The following RPS6KA3 variants were observed in gnomAD, a reference collection of about 807,000 sequenced individuals.
RPS6KA3 encodes the protein ribosomal protein S6 kinase alpha-3.
A neutral mutation model predicts 67.2 loss-of-function variants in RPS6KA3; 4 were observed. The observed-to-expected ratio is 0.06, with a 90% confidence interval of 0.03 to 0.14. The LOEUF is 0.14. Among genes scored for constraint, RPS6KA3 ranks in the 10% least tolerant of loss-of-function variants. RPS6KA3 has a pLI of 1.00. For missense variants in RPS6KA3, 204 were observed against 559.0 expected, an observed-to-expected ratio of 0.36 and a Z score of 6.40; for synonymous variants, 182 against 183.7, an observed-to-expected ratio of 0.99 and a Z score of 0.07.
intron 10 of RPS6KA3, among the ~76,000 whole-genome samples, chrX:20,180,369 G>C (rs899009841): frequency 9.0e-6 from 1 of 110,775 alleles, no homozygotes; most frequent in Non-Finnish European, 1.9e-5. Flanking sequence ...ACAGAATAGA[G>C]GATCAAGCTA....
intron 15 of RPS6KA3, among the ~76,000 whole-genome samples, chrX:20,170,909 G>C (rs956833305): frequency 2.7e-5 from 3 of 109,879 alleles, no homozygotes; most frequent in African/African-American, 9.9e-5. Context: ...TGAGTAGCTG[G>C]GACTACAGGC....
intron 3 of RPS6KA3, among the ~76,000 whole-genome samples, chrX:20,206,192 G>A (rs1424619636): frequency 8.9e-6 from 1 of 112,063 alleles, no homozygotes; most frequent in Non-Finnish European, 1.9e-5. Context: ...CCCCCATGAA[G>A]CTATTCTAGT....
chrX:20,241,114 G>T (rs1014164402), intron 1 of RPS6KA3, among the ~76,000 whole-genome samples: 1 of 110,243 alleles, frequency 9.1e-6, no homozygotes, highest in South Asian at 3.8e-4. Context: ...ACCCAACATT[G>T]TTCTATTTTC....
intron 4 of RPS6KA3, among the ~76,000 whole-genome samples, chrX:20,195,898 T>C (rs1274718796): frequency 8.9e-6 from 1 of 112,269 alleles, no homozygotes; most frequent in Non-Finnish European, 1.9e-5. Context: ...GGTATGTACC[T>C]AGAGCCTGGT....
At chrX:20,182,446 T>C (rs1319664192) in intron 10 of RPS6KA3, among the ~76,000 whole-genome samples, 1 of 112,080 alleles carries the variant, frequency 8.9e-6, no homozygotes, top group East Asian at 2.8e-4. Context: ...TGTTTTTGAA[T>C]GGCTCTCAAG....
chrX:20,256,677 C>T (rs1489903722), intron 1 of RPS6KA3, among the ~76,000 whole-genome samples: 1 of 112,029 alleles, frequency 8.9e-6, no homozygotes, highest in African/African-American at 3.2e-5. Context: ...TGGAAACTAA[C>T]ATCAACTTCA....
intron 4 of RPS6KA3, among the ~76,000 whole-genome samples, chrX:20,196,355 T>C (rs2068271698): frequency 8.8e-6 from 1 of 113,035 alleles, no homozygotes; most frequent in Non-Finnish European, 1.9e-5. Context: ...GCAAAGTGTA[T>C]GTGCAATGCA....
Position 20,153,180 on chromosome X carries a change from G to A in RPS6KA3, c.*2218C>T, listed in dbSNP as rs1182787012. On this transcript the variant is annotated 3_prime_UTR_variant, in exon 22 of 22. Coordinates refer to ENST00000379565, the MANE Select transcript of RPS6KA3 (RefSeq NM_004586.3). Reference sequence around the variant, plus strand: ...TCAGAATGACATTAACATTTTAAAAGTGACAATAATTTGAGATGACCAAAG... The same window carrying A: ...TCAGAATGACATTAACATTTTAAAAATGACAATAATTTGAGATGACCAAAG... The A allele has an allele frequency of 8.9e-6, 1 of 111,790 alleles. No individual in the cohort carries two copies. Among genetic ancestry groups the A allele is most frequent in the Non-Finnish European group, 1.9e-5 (1 of 53,158 alleles). 9.2% of individuals were successfully genotyped at this position (111,790 alleles called of 1,213,427 possible). A position where few individuals can be genotyped will look rare whatever the true frequency, so the allele number is the denominator to read the frequency against.
chrX:20,196,088 A>G (rs373493740), intron 4 of RPS6KA3, among the ~76,000 whole-genome samples: 1 of 112,456 alleles, frequency 8.9e-6, no homozygotes, highest in East Asian at 2.8e-4. Context: ...TCAGGGAGCA[A>G]GCTTTAAGAC....
At chrX:20,160,479 T>C (rs931093785) in intron 20 of RPS6KA3, among the ~76,000 whole-genome samples, 1 of 111,465 alleles carries the variant, frequency 9.0e-6, no homozygotes, top group African/African-American at 3.3e-5. Context: ...CAGGCTGGAG[T>C]GCAGGGGTGC....
chrX:20,190,228 T>C (rs1008156346), intron 7 of RPS6KA3, among the ~76,000 whole-genome samples: 1 of 111,800 alleles, frequency 8.9e-6, no homozygotes. Flanking sequence ...CAACATTCCT[T>C]TTCAATGGTT....
chrX:20,169,199 T>C (rs935393214), intron 16 of RPS6KA3, among the ~76,000 whole-genome samples: 1 of 112,065 alleles, frequency 8.9e-6, no homozygotes. Flanking sequence ...GAGATCTCAC[T>C]GTGTTGACCT....
chrX:20,230,881 TATGAC>T (rs1240852849), intron 2 of RPS6KA3, among the ~76,000 whole-genome samples: 2 of 111,811 alleles, frequency 1.8e-5, no homozygotes, highest in Non-Finnish European at 3.8e-5. Flanking sequence ...AAATCCCACT[TATGAC>T]ATAACAAAGA....
chrX:20,158,384 A>AAAAAGAGAG (rs1432216868), intron 20 of RPS6KA3, among the ~76,000 whole-genome samples: 1 of 102,087 alleles, frequency 9.8e-6, no homozygotes, highest in African/African-American at 3.8e-5. Flanking sequence ...AAAAAAAAAA[A>AAAAAGAGAG]AAAAGAGAGA....
chrX:20,246,548 T>C (rs2147032800), intron 1 of RPS6KA3, among the ~76,000 whole-genome samples: 1 of 111,618 alleles, frequency 9.0e-6, no homozygotes, highest in South Asian at 3.7e-4. Flanking sequence ...TGATTTATTC[T>C]GGTTTCCAGA....
upstream of RPS6KA3, chrX:20,267,033 C>T (rs1023813875): frequency 8.0e-6 from 6 of 752,821 alleles, no homozygotes; most frequent in East Asian, 3.1e-4. Flanking sequence ...GGCGCCTAAG[C>T]GATACCTGTC....
At chrX:20,156,312 G>C in intron 20 of RPS6KA3, 63 bp from the exon 21 acceptor site, 13 of 1,058,964 alleles carry the variant, frequency 1.2e-5, no homozygotes, top group Non-Finnish European at 1.7e-5. Flanking sequence ...TATGGCTCTT[G>C]ATACTAATGA....
chrX:20,247,712 G>A (rs1033468912), intron 1 of RPS6KA3, among the ~76,000 whole-genome samples: 1 of 108,750 alleles, frequency 9.2e-6, no homozygotes, highest in Non-Finnish European at 1.9e-5. Context: ...GCATGAACCC[G>A]GGAGGTGGAG....
intron 17 of RPS6KA3, among the ~76,000 whole-genome samples, chrX:20,166,775 T>C (rs1429829368): frequency 1.0e-5 from 1 of 97,851 alleles, no homozygotes; most frequent in Non-Finnish European, 2.0e-5. Context: ...TGGAGTGCAG[T>C]GGTGCAATTT....
Sources: gnomAD v4.1 joint callset for allele counts (sites outside exome capture counted in the v4.1 genomes callset) on GRCh38, gnomAD v4.1.1 for gene constraint, MANE v1.5 for transcripts, NCBI Gene and HGNC (gene_info 2026-07-23, HGNC 2026-07-21) for gene names.